Variants in VSTM4 observed in about 807,000 individuals in gnomAD.
VSTM4 encodes the protein V-set and transmembrane domain-containing protein 4.
Under a neutral mutation model 36.4 loss-of-function variants are expected in VSTM4, and 20 were observed. That is an observed-to-expected ratio of 0.55 (90% confidence interval 0.39 to 0.80). VSTM4 has a LOEUF of 0.80. Ranked by LOEUF, VSTM4 falls within the 30% of genes least tolerant of loss-of-function variation. VSTM4 has a pLI of 0.00. For missense variants in VSTM4, 392 were observed against 404.5 expected (o/e 0.97, Z 0.26); for synonymous variants, 182 against 173.9 (o/e 1.05, Z -0.37).
At chr10:49,080,434 CTA>C (rs1844258523) in intron 3 of VSTM4, among the ~76,000 whole-genome samples, 2 of 152,364 alleles carry the variant, frequency 1.3e-5, no homozygotes, top group South Asian at 4.1e-4. Context: ...CCCCTGGAGT[CTA>C]TGAGATCTTC....
chr10:49,065,998 C>T (rs1279948871), intron 4 of VSTM4, among the ~76,000 whole-genome samples: 1 of 151,916 alleles, frequency 6.6e-6, no homozygotes, highest in African/African-American at 2.4e-5. Context: ...TCGAACATTT[C>T]ATGTGTCCCT....
At chr10:49,106,001 A>C (rs574409495) in intron 2 of VSTM4, among the ~76,000 whole-genome samples, 192 of 152,342 alleles carry the variant, frequency 1.3e-3, no homozygotes, top group Middle Eastern at 6.8e-3. Context: ...ATAATAAGCC[A>C]ATAGTCATTG....
chr10:49,096,243 TA>T (rs1844567749), intron 2 of VSTM4, among the ~76,000 whole-genome samples: 1 of 152,214 alleles, frequency 6.6e-6, no homozygotes, highest in African/African-American at 2.4e-5. Flanking sequence ...ACTTCAGATC[TA>T]ATCATTAAAT....
rs1343243064 is a variant in VSTM4 at position 49,097,355 on chromosome 10, C to T, written c.457+10239G>A. On this transcript the variant is annotated intron_variant, in intron 2 of 7. Transcript: ENST00000332853. ...CAGAGGCACCAAGCCAGATCCGTCC[C>T]CTAGGGAGAAAAGTCTAGAGGTGAT... 1.2e-4 allele frequency among the ~76,000 whole-genome samples: 19 copies of T among 152,164 alleles called. 1 individual carries two copies. The highest frequency in any genetic ancestry group is 1.2e-3 in the Admixed American group (19 of 15,278).
At chr10:49,095,026 C>T (rs1234518607) in intron 2 of VSTM4, among the ~76,000 whole-genome samples, 1 of 152,098 alleles carries the variant, frequency 6.6e-6, no homozygotes, top group African/African-American at 2.4e-5. Context: ...CCTTTCCTAC[C>T]GCATTCAGTC....
chr10:49,098,806 G>A (rs1336139074), intron 2 of VSTM4, among the ~76,000 whole-genome samples: 1 of 152,212 alleles, frequency 6.6e-6, no homozygotes, highest in Non-Finnish European at 1.5e-5. Flanking sequence ...ATGTGTTTGT[G>A]TGTCTGCCAC....
chr10:49,103,730 T>A lies in VSTM4; in HGVS notation c.457+3864A>T, dbSNP rs189075381. 406 of 1,612,034 alleles carry A rather than the reference T, an allele frequency of 2.5e-4. 4 individuals carry two copies. The highest frequency in any genetic ancestry group is 2.0e-3 in the Middle Eastern group (12 of 6,052). ...GGAGTTTCCAGTGAAAGACAAGCAATTTTATCTCACATCAAGAACTCTGCA... is the reference window on the plus strand; with the variant it reads ...GGAGTTTCCAGTGAAAGACAAGCAAATTTATCTCACATCAAGAACTCTGCA... On this transcript the variant is annotated intron_variant, in intron 2 of 7. Coordinates refer to ENST00000332853, the MANE Select transcript of VSTM4 (RefSeq NM_001031746.5).
At chr10:49,052,109 C>G (rs1368462098) in intron 5 of VSTM4, among the ~76,000 whole-genome samples, 1 of 152,112 alleles carries the variant, frequency 6.6e-6, no homozygotes, top group Non-Finnish European at 1.5e-5. Flanking sequence ...CTTAGACTTT[C>G]ATTTTGGGGT....
chr10:49,072,495 G>A (rs187646042), intron 4 of VSTM4, among the ~76,000 whole-genome samples: 63 of 152,274 alleles, frequency 4.1e-4, no homozygotes, highest in African/African-American at 1.5e-3. Flanking sequence ...GCTTCCCACT[G>A]GGCCTGGCAG....
rs549049669 is a variant in VSTM4, at chr10:49,083,479, G to A, written c.526+2476C>T. Among the ~76,000 whole-genome samples, 8 of 152,304 alleles carry A rather than the reference G, an allele frequency of 5.3e-5. No homozygotes were observed. In the South Asian group the frequency reaches 1.0e-3, roughly 20 times the overall value. ...GTACCTCTAACCTCGCCAAAGCTAC[G>A]GCTGGGTTAAAAAAGCAAAGCACGG... On this transcript the variant is annotated intron_variant, in intron 3 of 7. Coordinates refer to ENST00000332853, the MANE Select transcript of VSTM4 (RefSeq NM_001031746.5).
At chr10:49,056,062 T>TG (rs1843773919) in intron 5 of VSTM4, among the ~76,000 whole-genome samples, 1 of 152,246 alleles carries the variant, frequency 6.6e-6, no homozygotes, top group Admixed American at 6.5e-5. Flanking sequence ...ATGCATCCTC[T>TG]GCACAGCATT....
At chr10:49,073,305 G>A (rs1458378508) in intron 4 of VSTM4, among the ~76,000 whole-genome samples, 3 of 152,136 alleles carry the variant, frequency 2.0e-5, no homozygotes, top group Admixed American at 2.0e-4. Context: ...CAAGGCTCTG[G>A]GAGGACGGCT....
At position 49,114,482 on chromosome 10, in the gene VSTM4, G is replaced by A. The variant is rs146511422; in HGVS notation, c.55+949C>T. Among the ~76,000 whole-genome samples the A allele has an allele frequency of 4.6e-5, 7 of 152,248 alleles. No homozygotes were observed. The East Asian group carries it at 1.2e-3, about 25-fold the overall frequency. ...ACCACTTACAAGCCTACTGAATTAA[G>A]GCAAGTCCGTTCATGGGCCTGAGCC... is the stretch of plus-strand genomic sequence containing the variant. On this transcript the variant is annotated intron_variant, in intron 1 of 7. Transcript: ENST00000332853.
At chr10:49,089,320 C>T (rs1002015320) in intron 2 of VSTM4, among the ~76,000 whole-genome samples, 28 of 152,168 alleles carry the variant, frequency 1.8e-4, no homozygotes, top group African/African-American at 5.6e-4. Flanking sequence ...CCTCCACCCC[C>T]GCCAACCTCA....
At chr10:49,060,301 C>T (rs895934734) in intron 5 of VSTM4, among the ~76,000 whole-genome samples, 7 of 152,192 alleles carry the variant, frequency 4.6e-5, no homozygotes, top group Non-Finnish European at 7.4e-5. Flanking sequence ...AGTGGTGGCA[C>T]AATTTTATAT....
At position 49,103,617 on chromosome 10, in the gene VSTM4, T is replaced by C. The variant is rs374221883; in HGVS notation, c.457+3977A>G. ...TCAGAACTGGGAGTTATTTTTTAAA[T>C]ATATCATCGCAAGTCACCCTCCATG... On this transcript the variant is annotated intron_variant, in intron 2 of 7. Transcript: ENST00000332853. 619 of 1,482,578 alleles carry C rather than the reference T, an allele frequency of 4.2e-4. 9 individuals carry two copies. In the South Asian group the frequency reaches 8.3e-3, roughly 20 times the overall value. The allele number at this position is 1,482,578 out of a possible 1,614,324, so 91.8% of individuals were successfully genotyped here.
chr10:49,016,848 G>A lies in VSTM4; in HGVS notation c.*2802C>T, dbSNP rs1427149915. 6.6e-6 allele frequency: 1 copy of A among 152,292 alleles called. No homozygotes were observed. Among genetic ancestry groups the A allele is most frequent in the Non-Finnish European group, 1.5e-5 (1 of 68,082 alleles). The allele number at this position is 152,292 out of a possible 1,614,324, so 9.4% of individuals were successfully genotyped here. A position where few individuals can be genotyped will look rare whatever the true frequency, so the allele number is the denominator to read the frequency against. ...GGCTTGGCAAGACAGTTTCACCCAGGTGGATGCCCCTTCATACCTCCCGGC... is the reference window on the plus strand; with the variant it reads ...GGCTTGGCAAGACAGTTTCACCCAGATGGATGCCCCTTCATACCTCCCGGC... On this transcript the variant is annotated 3_prime_UTR_variant, in exon 8 of 8. Coordinates refer to ENST00000332853, the MANE Select transcript of VSTM4 (RefSeq NM_001031746.5).
chr10:49,076,501 C>A (rs1170195214), intron 4 of VSTM4, among the ~76,000 whole-genome samples: 1 of 152,134 alleles, frequency 6.6e-6, no homozygotes, highest in Non-Finnish European at 1.5e-5. Flanking sequence ...ACAGTGTCCC[C>A]AAGCTGTTTT....
intron 7 of VSTM4, among the ~76,000 whole-genome samples, chr10:49,028,664 C>T (rs951606531): frequency 1.3e-5 from 2 of 152,208 alleles, no homozygotes; most frequent in Admixed American, 6.5e-5. Context: ...AGAGGTTTAG[C>T]ATTCTCTTAT....
Sources: allele counts gnomAD v4.1 joint callset (sites outside exome capture counted in the v4.1 genomes callset), GRCh38; gene constraint gnomAD v4.1.1; transcripts MANE v1.5; gene names NCBI Gene and HGNC (gene_info 2026-07-23, HGNC 2026-07-21).